Variants in PDLIM7 observed in about 807,000 individuals in gnomAD.
PDLIM7 encodes the protein PDZ and LIM domain protein 7.
A neutral mutation model predicts 53.9 loss-of-function variants in PDLIM7; 37 were observed. The observed-to-expected ratio is 0.69, with a 90% confidence interval of 0.53 to 0.90. The LOEUF (loss-of-function observed/expected upper bound fraction) is 0.90. Among genes scored for constraint, PDLIM7 ranks in the 40% least tolerant of loss-of-function variants. The pLI is 0.00. For synonymous variants in PDLIM7, 300 were observed against 261.3 expected, an observed-to-expected ratio of 1.15 and a Z score of -1.43; for missense variants, 617 against 638.5, an observed-to-expected ratio of 0.97 and a Z score of 0.36.
chr5:177,483,812 G>A (rs912929119), intron 12 of PDLIM7, 55 bp downstream of exon 12: 1 of 1,590,356 alleles, frequency 6.3e-7, no homozygotes, highest in Admixed American at 1.7e-5. Flanking sequence ...ATCTCCTGGG[G>A]AATGAACAGA....
In PDLIM7 at chr5:177,483,683, G is replaced by A. The variant is rs776943309; in HGVS notation, c.1335C>T (p.Asp445=). 5 of 1,613,300 alleles carry A rather than the reference G, an allele frequency of 3.1e-6. No individual in the cohort carries two copies. Among genetic ancestry groups the A allele is most frequent in the Non-Finnish European group, 4.2e-6 (5 of 1,179,300 alleles). The change falls in exon 13 of 13, where the codon GAC becomes GAT. Residue 445 remains aspartate, a synonymous_variant. Transcript: ENST00000355841. ...LEGKTFYSKK[D]RPLCKSHAFS... is the part of the protein sequence containing the mutation. ...AGGCATGGCTCTTGCAGAGAGGCCT[G>A]TCCTTCTTGGAGTAGAAGGTCTTTC...
intron 7 of PDLIM7, 135 bp from the exon 8 acceptor site, chr5:177,489,967 T>A: frequency 1.3e-6 from 2 of 1,536,158 alleles, no homozygotes; most frequent in Non-Finnish European, 1.7e-6. Flanking sequence ...CAGGTCCCAC[T>A]GGGGTAGGGA....
rs200297880 is a variant in PDLIM7, at chr5:177,490,946, G to C, written c.536-40C>G. ...GCAGGCATTGACCAAAAAAGACACA[G>C]GGTCAGGGATCACGCCTGGGCTGGG... is the stretch of plus-strand genomic sequence containing the variant. On this transcript the variant is annotated intron_variant, in intron 6 of 12. Coordinates refer to ENST00000355841, the MANE Select transcript of PDLIM7 (RefSeq NM_005451.5). 3.9e-5 allele frequency: 63 copies of C among 1,613,928 alleles called. 1 individual carries two copies. In the East Asian group the frequency reaches 1.3e-3, roughly 34 times the overall value.
At chr5:177,487,942 CATTT>C in intron 10 of PDLIM7, 122 bp downstream of exon 10, 2 of 816,104 alleles carry the variant, frequency 2.5e-6, no homozygotes, top group Non-Finnish European at 3.7e-6. Flanking sequence ...TACAGCAGCC[CATTT>C]ATTACGCTGG....
chr5:177,490,113 G>A, intron 7 of PDLIM7: 1 of 1,513,182 alleles, frequency 6.6e-7, no homozygotes, highest in Non-Finnish European at 8.8e-7. Context: ...TGATGGCAGG[G>A]CAGGGCCCCT....
chr5:177,490,734 G>A (rs1758718848), intron 7 of PDLIM7, 136 bp downstream of exon 7: 1 of 798,396 alleles, frequency 1.3e-6, no homozygotes, highest in Non-Finnish European at 2.1e-6. Flanking sequence ...AGGAAGGAAG[G>A]AAGGAAGGAA....
Position 177,483,856 on chromosome 5 carries a change from G to A in PDLIM7, c.1287+11C>T, listed in dbSNP as rs775851439. ...GGGCTTGGGGCTCAGTTCGAGGGGC[G>A]GGGCTCTCACCGCACAGACGAAGCA... On this transcript the variant is annotated intron_variant, in intron 12 of 12. Coordinates refer to ENST00000355841, the MANE Select transcript of PDLIM7 (RefSeq NM_005451.5). The A allele has an allele frequency of 7.5e-6, 12 of 1,610,718 alleles. No homozygotes were observed. Among genetic ancestry groups the A allele is most frequent in the South Asian group, 3.3e-5 (3 of 90,896 alleles).
intron 10 of PDLIM7, among the ~76,000 whole-genome samples, chr5:177,486,769 G>T (rs1335392749): frequency 6.6e-6 from 1 of 151,762 alleles, no homozygotes; most frequent in Non-Finnish European, 1.5e-5. Context: ...CTCCCGAGTA[G>T]CTGGGACTAC....
Position 177,490,518 on chromosome 5 carries a change from G to A in PDLIM7, c.572+352C>T, listed in dbSNP as rs150389474. 3.0e-4 allele frequency: 471 copies of A among 1,563,200 alleles called. 3 individuals are homozygous for A. The highest frequency in any genetic ancestry group is 1.3e-3 in the South Asian group (111 of 85,044). ...CGGGCTACGACTGCACGTTGAGCAC[G>A]TGGGCAGAGCGCTGGTGGTGCCAGT... On this transcript the variant is annotated intron_variant, in intron 7 of 12. Transcript: ENST00000355841.
chr5:177,484,163 A>C lies in PDLIM7; in HGVS notation c.1078T>G (p.Trp360Gly), dbSNP rs748376388. The stretch of plus-strand genomic sequence containing the variant: ...GCACAGGTAAAGCAGTGCACGTGCC[A>C]GGTCATCTTCAGGGCGTGCATGATC... ...GEIMHALKMT[W>G]HVHCFTCAAC... Residue 360 changes from tryptophan (W) to glycine (G), a missense_variant, in exon 11 of 13, where the codon TGG becomes GGG. Transcript: ENST00000355841. The C allele has an allele frequency of 6.2e-7, 1 of 1,613,832 alleles. No homozygotes were observed. The highest frequency in any genetic ancestry group is 8.5e-7 in the Non-Finnish European group (1 of 1,179,980).
Position 177,491,818 on chromosome 5 carries a change from C to CG in PDLIM7, c.386dup (p.Gln130AlafsTer55). On this transcript the variant is annotated frameshift_variant, in exon 5 of 13. Coordinates refer to ENST00000355841, the MANE Select transcript of PDLIM7 (RefSeq NM_005451.5). LOFTEE classifies it high-confidence loss of function. ...AGGGGCCGACGTACCCATTCTGCTG[C>CG]GGGGCGCTGTCAGCGGGCGGGGGCG... 7.8e-7 allele frequency: 1 copy of CG among 1,281,770 alleles called. No individual in the cohort carries two copies. The highest frequency in any genetic ancestry group is 1.6e-5 in the African/African-American group (1 of 64,464). The allele number at this position is 1,281,770 out of a possible 1,614,324, so 79.4% of individuals were successfully genotyped here.
chr5:177,486,018 A>C (rs1484050375), intron 10 of PDLIM7, among the ~76,000 whole-genome samples: 4 of 152,056 alleles, frequency 2.6e-5, no homozygotes, highest in Non-Finnish European at 5.9e-5. Context: ...AGGAGATCTC[A>C]CTTTCCCTCT....
At position 177,497,573 on chromosome 5, in the gene PDLIM7, G is replaced by C. The variant is rs1292464291; in HGVS notation, c.-57C>G. ...GCTGCTCTGCGTCGGGCTCCAGGGAGCCTCGTTGGGATCGGCCGCCAGTGT... is the reference window on the plus strand; with the variant it reads ...GCTGCTCTGCGTCGGGCTCCAGGGACCCTCGTTGGGATCGGCCGCCAGTGT... On this transcript the variant is annotated 5_prime_UTR_variant, in exon 1 of 13. Coordinates refer to ENST00000355841, the MANE Select transcript of PDLIM7 (RefSeq NM_005451.5). 6.6e-6 allele frequency: 1 copy of C among 152,286 alleles called. No individual in the cohort carries two copies. The allele number at this position is 152,286 out of a possible 1,614,324, so 9.4% of individuals were successfully genotyped here. A position where few individuals can be genotyped will look rare whatever the true frequency, so the allele number is the denominator to read the frequency against.
intron 10 of PDLIM7, chr5:177,484,484 A>G: frequency 2.7e-6 from 1 of 375,676 alleles, no homozygotes; most frequent in Non-Finnish European, 5.0e-6. Context: ...TGTCTGCTGC[A>G]GCCAAACACA....
intron 7 of PDLIM7, 85 bp from the exon 8 acceptor site, chr5:177,489,917 G>A (rs1478573697): frequency 6.5e-6 from 10 of 1,540,540 alleles, no homozygotes; most frequent in African/African-American, 1.4e-5. Context: ...CTGGCCCCAC[G>A]GGAGATGACT....
At chr5:177,492,973 ACCCT>A (rs1462529209) in intron 2 of PDLIM7, 1 of 403,384 alleles carries the variant, frequency 2.5e-6, no homozygotes, top group African/African-American at 2.0e-5. Flanking sequence ...CACCGCCACC[ACCCT>A]CCCCCACAGT....
rs112092735 is a variant in PDLIM7, at chr5:177,483,617, A to G, written c.*27T>C. On this transcript the variant is annotated 3_prime_UTR_variant, in exon 13 of 13. Transcript: ENST00000355841. ...CTCCAGGCCCCTCAGGCTAGGGGCC[A>G]CCGCGGCAGCTGTGGGCAGAAGGGG... 1 of 1,479,422 alleles carries G rather than the reference A, an allele frequency of 6.8e-7. No homozygotes were observed. The highest frequency in any genetic ancestry group is 9.4e-7 in the Non-Finnish European group (1 of 1,060,202). The allele number at this position is 1,479,422 out of a possible 1,614,324, so 91.6% of individuals were successfully genotyped here.
rs374703251 is a variant in PDLIM7 at position 177,489,490 on chromosome 5, G to A, written c.772C>T (p.Arg258Cys). The A allele has an allele frequency of 3.1e-6, 5 of 1,607,950 alleles. No individual in the cohort carries two copies. The highest frequency in any genetic ancestry group is 1.1e-5 in the South Asian group (1 of 89,866). Residue 258 changes from arginine to cysteine, a missense_variant, in exon 9 of 13, where the codon CGC becomes TGC. Arg to Cys is a radical substitution (Grantham distance 180). Transcript: ENST00000355841. ...QPATPTPLQS[R>C]TSIVQAAAGG... is the part of the protein sequence containing the mutation. ...GCAGCTGCCTGCACAATGGAGGTGC[G>A]GCTCTGCAGCGGCGTGGGCGTGGCC...
rs1758320967 is a variant in PDLIM7 at position 177,484,164 on chromosome 5, G to A, written c.1077C>T (p.Thr359=). Residue 359 remains threonine, a synonymous_variant, in exon 11 of 13, where the codon ACC becomes ACT. Coordinates refer to ENST00000355841, the MANE Select transcript of PDLIM7 (RefSeq NM_005451.5). Reference sequence around the variant, plus strand: ...CACAGGTAAAGCAGTGCACGTGCCAGGTCATCTTCAGGGCGTGCATGATCT... The same window carrying A: ...CACAGGTAAAGCAGTGCACGTGCCAAGTCATCTTCAGGGCGTGCATGATCT... ...TGEIMHALKM[T]WHVHCFTCAA... is the part of the protein sequence containing the mutation. The A allele has an allele frequency of 5.6e-6, 9 of 1,613,846 alleles. No individual in the cohort carries two copies. Among genetic ancestry groups the A allele is most frequent in the Non-Finnish European group, 7.6e-6 (9 of 1,179,986 alleles).
Sources: allele counts gnomAD v4.1 joint callset (sites outside exome capture counted in the v4.1 genomes callset), GRCh38; gene constraint gnomAD v4.1.1; transcripts MANE v1.5; gene names NCBI Gene and HGNC (gene_info 2026-07-23, HGNC 2026-07-21).